Variants in ADAMTSL1 observed in about 807,000 individuals in gnomAD.
ADAMTSL1 encodes the protein ADAMTS-like protein 1.
Under a neutral mutation model 201.8 loss-of-function variants are expected in ADAMTSL1, and 126 were observed. The ratio of observed to expected loss-of-function variants is 0.62; its 90% CI spans 0.54 to 0.72. The LOEUF is 0.72. ADAMTSL1 is among the 30% of genes least tolerant of loss of function. The pLI is 0.00. For synonymous variants in ADAMTSL1, 1,121 were observed against 903.4 expected (o/e 1.24, Z -4.32); for missense variants, 2,679 against 2,277.8 (o/e 1.18, Z -3.59).
At chr9:18,546,108 A>G (rs1256305730) in intron 3 of ADAMTSL1, among the ~76,000 whole-genome samples, 1 of 152,134 alleles carries the variant, frequency 6.6e-6, no homozygotes, top group African/African-American at 2.4e-5. Flanking sequence ...TGCATTTTAA[A>G]CATTCTCTTT....
chr9:18,488,417 T>G (rs1032153718), intron 1 of ADAMTSL1, among the ~76,000 whole-genome samples: 2 of 152,196 alleles, frequency 1.3e-5, no homozygotes, highest in Non-Finnish European at 2.9e-5. Context: ...CCCCTCCTAC[T>G]TCAATGAGTA....
intron 3 of ADAMTSL1, among the ~76,000 whole-genome samples, chr9:18,534,752 G>A (rs1000102729): frequency 1.3e-5 from 2 of 152,182 alleles, no homozygotes; most frequent in Admixed American, 1.3e-4. Context: ...ACACCTGCAG[G>A]ACCACCACAA....
Position 18,448,709 on chromosome 9 carries a change from A to T in ADAMTSL1, c.208-56120A>T, listed in dbSNP as rs944719834. ...CTCATTTTCTTTTCTCTTTAGACTCATGCTATCATAACGTAGTATATTTTA... is the reference window on the plus strand; with the variant it reads ...CTCATTTTCTTTTCTCTTTAGACTCTTGCTATCATAACGTAGTATATTTTA... On this transcript the variant is annotated intron_variant, in intron 2 of 29. Coordinates refer to the ADAMTSL1 transcript ENST00000680146. Among the ~76,000 whole-genome samples the T allele has an allele frequency of 2.4e-4, 37 of 152,286 alleles. 1 individual carries two copies. The highest frequency in any genetic ancestry group is 1.8e-3 in the Admixed American group (27 of 15,284).
intron 2 of ADAMTSL1, among the ~76,000 whole-genome samples, chr9:18,236,030 T>G (rs1830834027): frequency 6.6e-6 from 1 of 152,220 alleles, no homozygotes; most frequent in Non-Finnish European, 1.5e-5. Flanking sequence ...TGGATTCTAA[T>G]GAAGATGATT....
chr9:18,395,970 C>T (rs887512260), intron 2 of ADAMTSL1, among the ~76,000 whole-genome samples: 10 of 152,166 alleles, frequency 6.6e-5, no homozygotes, highest in South Asian at 4.1e-4. Context: ...CCCTTTTAGT[C>T]TGGCCTTTCT....
intron 2 of ADAMTSL1, among the ~76,000 whole-genome samples, chr9:18,297,835 C>T (rs559561244): frequency 1.3e-5 from 2 of 152,130 alleles, no homozygotes; most frequent in African/African-American, 2.4e-5. Context: ...AAATATTGTA[C>T]CTAGTATTTC....
chr9:18,055,550 T>C (rs907056847), intron 1 of ADAMTSL1, among the ~76,000 whole-genome samples: 9 of 152,390 alleles, frequency 5.9e-5, no homozygotes, highest in African/African-American at 2.2e-4. Flanking sequence ...TATATGTACA[T>C]AGACCAAAGT....
At chr9:18,169,423 A>G (rs1261460415) in intron 2 of ADAMTSL1, among the ~76,000 whole-genome samples, 10 of 152,098 alleles carry the variant, frequency 6.6e-5, no homozygotes, top group Admixed American at 2.6e-4. Flanking sequence ...TTTGCCAAAG[A>G]TCAGATAGTT....
intron 1 of ADAMTSL1, among the ~76,000 whole-genome samples, chr9:18,135,156 C>A (rs904174215): frequency 6.6e-6 from 1 of 152,084 alleles, no homozygotes; most frequent in East Asian, 1.9e-4. Context: ...TTAGAACTGG[C>A]CTGCATGTAT....
intron 7 of ADAMTSL1, among the ~76,000 whole-genome samples, chr9:18,651,855 A>T (rs945066221): frequency 6.6e-6 from 1 of 152,042 alleles, no homozygotes; most frequent in African/African-American, 2.4e-5. Context: ...CAATACAAGG[A>T]GTCTGGAGAG....
At chr9:18,349,215 A>C (rs903658130) in intron 2 of ADAMTSL1, among the ~76,000 whole-genome samples, 1 of 152,198 alleles carries the variant, frequency 6.6e-6, no homozygotes, top group East Asian at 1.9e-4. Flanking sequence ...AATGAGACTT[A>C]TGTGGATTGT....
At chr9:18,292,356 G>C (rs1184162442) in intron 2 of ADAMTSL1, among the ~76,000 whole-genome samples, 6 of 152,138 alleles carry the variant, frequency 3.9e-5, no homozygotes, top group Admixed American at 3.9e-4. Context: ...ATGATGAAAT[G>C]GTAAGTAAAG....
At chr9:18,509,990 T>C (rs1213463769) in intron 2 of ADAMTSL1, among the ~76,000 whole-genome samples, 1 of 152,206 alleles carries the variant, frequency 6.6e-6, no homozygotes, top group Non-Finnish European at 1.5e-5. Context: ...GATCAGAGTT[T>C]ATGAATGTAT....
chr9:18,554,903 G>A (rs1485779945), intron 3 of ADAMTSL1, among the ~76,000 whole-genome samples: 1 of 150,852 alleles, frequency 6.6e-6, no homozygotes, highest in Non-Finnish European at 1.5e-5. Context: ...TTTACGTCAA[G>A]GTTTACTCTT....
Position 17,910,973 on chromosome 9 carries a change from G to A in ADAMTSL1, c.87+4051G>A, listed in dbSNP as rs1381987322. Among the ~76,000 whole-genome samples the A allele has an allele frequency of 1.3e-4, 9 of 68,656 alleles. 3 individuals carry two copies. The highest frequency in any genetic ancestry group is 2.6e-4 in the African/African-American group (9 of 34,062). The allele number at this position is 68,656 out of a possible 152,430, so 45.0% of individuals were successfully genotyped here. ...TGAAGGTATAACAAACAGACCTCCCGTGTAGATACTGTAGCTATAGTGAAA... is the reference window on the plus strand; with the variant it reads ...TGAAGGTATAACAAACAGACCTCCCATGTAGATACTGTAGCTATAGTGAAA... On this transcript the variant is annotated intron_variant, in intron 1 of 29. Transcript: ENST00000680146.
intron 1 of ADAMTSL1, among the ~76,000 whole-genome samples, chr9:18,097,244 GTA>G (rs1824291721): frequency 6.6e-6 from 1 of 152,170 alleles, no homozygotes; most frequent in African/African-American, 2.4e-5. Context: ...AATGTTGTGT[GTA>G]TAAATATTGC....
At chr9:18,085,302 A>G (rs936525150) in intron 1 of ADAMTSL1, among the ~76,000 whole-genome samples, 2 of 152,120 alleles carry the variant, frequency 1.3e-5, no homozygotes, top group Admixed American at 1.3e-4. Flanking sequence ...TCTTGGGCAC[A>G]ATACTTAACC....
At chr9:18,027,712 T>C (rs1563956831) in intron 1 of ADAMTSL1, among the ~76,000 whole-genome samples, 1 of 152,090 alleles carries the variant, frequency 6.6e-6, no homozygotes, top group South Asian at 2.1e-4. Flanking sequence ...TGGAATATTA[T>C]GTACATGTCT....
chr9:18,349,353 C>T (rs1165201149), intron 2 of ADAMTSL1, among the ~76,000 whole-genome samples: 1 of 152,142 alleles, frequency 6.6e-6, no homozygotes, highest in Non-Finnish European at 1.5e-5. Flanking sequence ...CCCCAGAACA[C>T]GTAGGTAGCT....
Sources: gnomAD v4.1 joint callset for allele counts (sites outside exome capture counted in the v4.1 genomes callset) on GRCh38, gnomAD v4.1.1 for gene constraint, MANE v1.5 for transcripts, NCBI Gene and HGNC (gene_info 2026-07-23, HGNC 2026-07-21) for gene names.